The following HERC1 variants were observed in gnomAD, a reference collection of about 807,000 sequenced individuals.
HERC1 encodes the protein HECT and RLD domain containing E3 ubiquitin protein ligase family member 1.
In HERC1, 160 loss-of-function variants were observed where a neutral mutation model predicts 554.3. The observed-to-expected ratio is 0.29, with a 90% confidence interval of 0.25 to 0.33. HERC1 has a LOEUF of 0.33. Among genes scored for constraint, HERC1 ranks in the 10% least tolerant of loss-of-function variants. The probability of loss-of-function intolerance (pLI) is 1.00; values close to 1 mark genes in which losing one functional copy is unlikely to be tolerated. For synonymous variants in HERC1, 2,175 were observed against 2,131.7 expected (o/e 1.02, Z -0.56); for missense variants, 4,919 against 5,918.5 (o/e 0.83, Z 5.54).
chr15:63,677,011 T>A lies in HERC1; in HGVS notation c.7070+834A>T, dbSNP rs2071245826. ...ATCAGAAGTGTTCTGGATTTCAGAT[T>A]TTTTTCCCAAATTTTGGAATATTTA... On this transcript the variant is annotated intron_variant, in intron 37 of 77. Transcript: ENST00000443617. This position sits in a 1 kb window ranked among gnomAD's most constrained non-coding sequence, Gnocchi z 4.4. 6.6e-6 allele frequency among the ~76,000 whole-genome samples: 1 copy of A among 152,152 alleles called. No individual in the cohort carries two copies. Among genetic ancestry groups the A allele is most frequent in the African/African-American group, 2.4e-5 (1 of 41,434 alleles).
At position 63,621,060 on chromosome 15, in the gene HERC1, C is replaced by T. The variant is rs545827929; in HGVS notation, c.13688+1755G>A. Among the ~76,000 whole-genome samples, 173 of 152,288 alleles carry T rather than the reference C, an allele frequency of 1.1e-3. 1 individual carries two copies. Among genetic ancestry groups the T allele is most frequent in the African/African-American group, 4.1e-3 (171 of 41,554 alleles). ...TATGATATTAGCTGGTTATTTTGCT[C>T]GTTAGTTGATGCAGTTTCTTCCTAG... is the stretch of plus-strand genomic sequence containing the variant. On this transcript the variant is annotated intron_variant, in intron 74 of 77. Transcript: ENST00000443617.
Position 63,623,702 on chromosome 15 carries a change from C to G in HERC1, c.13611+23G>C, listed in dbSNP as rs141533214. The G allele has an allele frequency of 1.1e-4, 185 of 1,611,516 alleles. 2 individuals are homozygous for G. The East Asian group carries it at 3.8e-3, about 33-fold the overall frequency. On this transcript the variant is annotated intron_variant, in intron 73 of 77. Transcript: ENST00000443617. Reference sequence around the variant, plus strand: ...GCCACTAGCAGACTAGATAACTCAGCAGGGGACACTGCAGGAATATACCTG... The same window carrying G: ...GCCACTAGCAGACTAGATAACTCAGGAGGGGACACTGCAGGAATATACCTG...
At chr15:63,787,268 T>C (rs561015434) in intron 1 of HERC1, among the ~76,000 whole-genome samples, 1 of 152,250 alleles carries the variant, frequency 6.6e-6, no homozygotes, top group East Asian at 1.9e-4. Flanking sequence ...GCAATTCTCC[T>C]GCCTCAGCCT....
intron 2 of HERC1, among the ~76,000 whole-genome samples, chr15:63,767,791 T>C (rs184116174): frequency 1.3e-4 from 20 of 152,344 alleles, no homozygotes; most frequent in Non-Finnish European, 8.8e-5. Context: ...GAGTATTACA[T>C]GGCAGAACTT....
chr15:63,833,054 G>A (rs995678149), intron 1 of HERC1, among the ~76,000 whole-genome samples: 3 of 152,134 alleles, frequency 2.0e-5, no homozygotes, highest in Non-Finnish European at 4.4e-5. Context: ...CCTGGGAGAG[G>A]TGGTACAAGC....
At position 63,716,439 on chromosome 15, in the gene HERC1, G is replaced by T; in HGVS notation, c.4013C>A (p.Pro1338His). 6.2e-7 allele frequency: 1 copy of T among 1,613,380 alleles called. No individual in the cohort carries two copies. The highest frequency in any genetic ancestry group is 1.7e-5 in the Admixed American group (1 of 59,990). The stretch of plus-strand genomic sequence containing the variant: ...AGTTCGAGTAAATGAATGCTCCTGA[G>T]GATCAACATCTGCAGAGTCCTGGTT... ...SENQDSADVDPQEHSFTRTID... is the reference protein window; with the variant it reads ...SENQDSADVDHQEHSFTRTID... The change falls in exon 22 of 78, where the codon CCT (proline) becomes CAT (histidine). Residue 1338 changes from proline (P) to histidine (H), a missense_variant. Transcript: ENST00000443617.
rs1353203821 is a variant in HERC1 at position 63,764,147 on chromosome 15, T to C, written c.975A>G (p.Thr325=). Residue 325 remains threonine (T), a synonymous_variant, in exon 3 of 78, where the codon ACA becomes ACG. Coordinates refer to ENST00000443617, the MANE Select transcript of HERC1 (RefSeq NM_003922.4). The stretch of plus-strand genomic sequence containing the variant: ...CGTAAAGGGAGCACAAGCCATCCGA[T>C]GTTCTGGTTGGTTCTCTCCACTGAC... ...DRSQWREPTR[T]SDGLCSLYEA... is the part of the protein sequence containing the mutation. 8.7e-6 allele frequency: 14 copies of C among 1,611,392 alleles called. No homozygotes were observed. The highest frequency in any genetic ancestry group is 1.2e-5 in the Non-Finnish European group (14 of 1,178,868).
At chr15:63,776,154 A>G (rs965519589) in intron 1 of HERC1, among the ~76,000 whole-genome samples, 3 of 152,028 alleles carry the variant, frequency 2.0e-5, no homozygotes, top group African/African-American at 7.2e-5. Context: ...ATGACTCCCA[A>G]TTTTTTATCT....
intron 51 of HERC1, among the ~76,000 whole-genome samples, chr15:63,653,651 T>A (rs923014010): frequency 2.6e-5 from 4 of 152,164 alleles, no homozygotes; most frequent in Admixed American, 6.5e-5. Context: ...ATATATATCC[T>A]CCCATGTAAT....
intron 57 of HERC1, 68 bp from the exon 58 acceptor site, chr15:63,643,618 C>T: frequency 8.3e-7 from 1 of 1,201,300 alleles, no homozygotes; most frequent in Non-Finnish European, 1.1e-6. Context: ...ATTTATCATT[C>T]ACTCTTGGAA....
intron 48 of HERC1, 60 bp from the exon 49 acceptor site, chr15:63,656,418 T>TA (rs780894771): frequency 2.2e-5 from 32 of 1,422,344 alleles, no homozygotes; most frequent in Non-Finnish European, 2.8e-5. Context: ...AAGGGACCAT[T>TA]TGCAGTCCCA....
chr15:63,786,658 T>C (rs1297270648), intron 1 of HERC1, among the ~76,000 whole-genome samples: 1 of 152,218 alleles, frequency 6.6e-6, no homozygotes, highest in Non-Finnish European at 1.5e-5. Flanking sequence ...TAAAAGGCTA[T>C]ATAATGTATG....
chr15:63,808,244 G>A (rs188412137), intron 1 of HERC1, among the ~76,000 whole-genome samples: 290 of 152,118 alleles, frequency 1.9e-3, no homozygotes, highest in Middle Eastern at 0.014. Flanking sequence ...CTGAATAACG[G>A]CTGCTATCAA....
At chr15:63,800,756 A>G (rs754552782) in intron 1 of HERC1, among the ~76,000 whole-genome samples, 11 of 152,164 alleles carry the variant, frequency 7.2e-5, no homozygotes, top group Non-Finnish European at 1.5e-4. Context: ...TTCCTTTGTG[A>G]TAGGGGAATA....
At chr15:63,696,567 G>A (rs1372474490) in intron 26 of HERC1, among the ~76,000 whole-genome samples, 2 of 152,142 alleles carry the variant, frequency 1.3e-5, no homozygotes, top group Admixed American at 6.5e-5. Context: ...AAAAGTAGTA[G>A]CTTTGGATGT....
intron 48 of HERC1, among the ~76,000 whole-genome samples, chr15:63,657,260 GTTTT>G (rs770864894): frequency 1.6e-5 from 2 of 124,824 alleles, no homozygotes; most frequent in Non-Finnish European, 3.4e-5. Context: ...TTTGTCTTAG[GTTTT>G]TTTTTTTTTT....
intron 51 of HERC1, 91 bp downstream of exon 51, chr15:63,654,024 AAGAG>A: frequency 1.1e-6 from 1 of 921,444 alleles, no homozygotes; most frequent in Non-Finnish European, 1.7e-6. Flanking sequence ...GAGTGACACA[AAGAG>A]AGAGACCTAA....
At chr15:63,670,961 G>A (rs2070880214) in intron 39 of HERC1, among the ~76,000 whole-genome samples, 1 of 152,038 alleles carries the variant, frequency 6.6e-6, no homozygotes, top group African/African-American at 2.4e-5. Flanking sequence ...CTGCACTTTG[G>A]GAGGCTAAGG....
rs984758866 is a variant in HERC1 at position 63,727,973 on chromosome 15, A to G, written c.3155-135T>C. ...ACTCTCTGTTGAACACCTACCTGGTAGCTGATGTAGTATCAGTGTTTATTC... is the reference window on the plus strand; with the variant it reads ...ACTCTCTGTTGAACACCTACCTGGTGGCTGATGTAGTATCAGTGTTTATTC... On this transcript the variant is annotated intron_variant, in intron 16 of 77. Transcript: ENST00000443617. The surrounding 1 kb of genome is among the most constrained non-coding windows in gnomAD (Gnocchi z 4.3). The G allele has an allele frequency of 6.3e-6, 4 of 632,622 alleles. No homozygotes were observed. Among genetic ancestry groups the G allele is most frequent in the Admixed American group, 2.9e-5 (1 of 34,376 alleles). The allele number at this position is 632,622 out of a possible 1,614,324, so 39.2% of individuals were successfully genotyped here.
Sources: allele counts gnomAD v4.1 joint callset (sites outside exome capture counted in the v4.1 genomes callset), GRCh38; gene constraint gnomAD v4.1.1; non-coding constraint Gnocchi (gnomAD v3.1); transcripts MANE v1.5; gene names NCBI Gene and HGNC (gene_info 2026-07-23, HGNC 2026-07-21).